CCDC62: variants seen among roughly 807,000 people sequenced by gnomAD.
CCDC62 encodes coiled-coil domain containing 62, also known as coiled-coil domain-containing protein 62.
CCDC62 carries 72 observed loss-of-function variants against 80.8 expected under a neutral mutation model. The observed-to-expected ratio is 0.89, with a 90% CI of 0.74 to 1.08. The LOEUF (loss-of-function observed/expected upper bound fraction) is 1.08. Ranked by LOEUF, CCDC62 falls within the 50% of genes least tolerant of loss-of-function variation. The pLI, the probability that CCDC62 is intolerant of heterozygous loss-of-function variation, is 0.00. For synonymous variants in CCDC62, 286 were observed against 296.5 expected (o/e 0.96, Z 0.36); for missense variants, 704 against 809.4 (o/e 0.87, Z 1.58).
intron 6 of CCDC62, among the ~76,000 whole-genome samples, chr12:122,792,720 T>A (rs1329774244): frequency 6.6e-6 from 1 of 152,112 alleles, no homozygotes; most frequent in Non-Finnish European, 1.5e-5. Flanking sequence ...GGTTTCACCA[T>A]GTTGGCCAGG....
At chr12:122,799,318 G>A (rs551797048) in intron 8 of CCDC62, among the ~76,000 whole-genome samples, 33 of 151,942 alleles carry the variant, frequency 2.2e-4, no homozygotes, top group South Asian at 2.1e-4. Context: ...CCATCCATCC[G>A]TCCATCCATC....
intron 9 of CCDC62, among the ~76,000 whole-genome samples, chr12:122,803,035 C>T (rs1458128949): frequency 1.3e-5 from 2 of 151,990 alleles, no homozygotes; most frequent in African/African-American, 4.8e-5. Flanking sequence ...ATTTCAAAAA[C>T]ATTTGTCATG....
At chr12:122,804,385 G>A (rs574970892) in intron 9 of CCDC62, among the ~76,000 whole-genome samples, 2 of 152,296 alleles carry the variant, frequency 1.3e-5, no homozygotes, top group East Asian at 3.9e-4. Context: ...TACTCGGGAG[G>A]CTGAGGCACA....
At chr12:122,784,968 G>A (rs551391579) in intron 3 of CCDC62, among the ~76,000 whole-genome samples, 2 of 152,122 alleles carry the variant, frequency 1.3e-5, no homozygotes, top group East Asian at 1.9e-4. Context: ...GCGAAACCCT[G>A]TTTCTACTAA....
chr12:122,805,280 G>T (rs900219633), intron 9 of CCDC62, among the ~76,000 whole-genome samples: 1 of 89,924 alleles, frequency 1.1e-5, no homozygotes, highest in Non-Finnish European at 2.2e-5. Flanking sequence ...TCATTTCATT[G>T]TATTTTTAGG....
intron 3 of CCDC62, among the ~76,000 whole-genome samples, chr12:122,784,187 C>T (rs12305822): frequency 0.13 from 19,959 of 152,072 alleles, 2,238 homozygotes; most frequent in African/African-American, 0.29. Flanking sequence ...CTTAGTAACA[C>T]ACATTTAAAT....
At chr12:122,778,471 C>T (rs1421546595) in intron 2 of CCDC62, among the ~76,000 whole-genome samples, 2 of 152,016 alleles carry the variant, frequency 1.3e-5, no homozygotes, top group Non-Finnish European at 2.9e-5. Flanking sequence ...GTTCCATTGA[C>T]TCTAGATTGT....
intron 8 of CCDC62, among the ~76,000 whole-genome samples, chr12:122,800,220 C>T (rs1283459030): frequency 8.1e-6 from 1 of 123,352 alleles, no homozygotes; most frequent in Non-Finnish European, 1.6e-5. Flanking sequence ...GTTGCGAAGG[C>T]TGTCTTTCTC....
At chr12:122,774,901 AAC>A (rs1218415279) in intron 1 of CCDC62, among the ~76,000 whole-genome samples, 195 bp downstream of exon 1, 3 of 151,284 alleles carry the variant, frequency 2.0e-5, no homozygotes, top group Non-Finnish European at 3.0e-5. Context: ...CATCCTGGCT[AAC>A]ACAGTGAAAC....
At position 122,774,642 on chromosome 12, in the gene CCDC62, G is replaced by T; in HGVS notation, c.-29G>T. On this transcript the variant is annotated 5_prime_UTR_variant, in exon 1 of 13. Coordinates refer to ENST00000253079, the MANE Select transcript of CCDC62 (RefSeq NM_201435.5). ...TTTCTGAGGTGACGCCGCCCACACC[G>T]GGCTTCTCCGGGGGCGGAGGAAACA... 9 of 1,245,144 alleles carry T rather than the reference G, an allele frequency of 7.2e-6. No homozygotes were observed. The highest frequency in any genetic ancestry group is 9.1e-6 in the Non-Finnish European group (9 of 985,720). 77.1% of individuals were successfully genotyped at this position (1,245,144 alleles called of 1,614,324 possible).
At position 122,785,781 on chromosome 12, in the gene CCDC62, A is replaced by G. The variant is rs1165035943; in HGVS notation, c.459A>G (p.Gln153=). 2 of 1,613,704 alleles carry G rather than the reference A, an allele frequency of 1.2e-6. No homozygotes were observed. Among genetic ancestry groups the G allele is most frequent in the Middle Eastern group, 1.6e-4 (1 of 6,082 alleles). The change falls in exon 4 of 13, where the codon CAA becomes CAG. Residue 153 remains glutamine, a synonymous_variant. Coordinates refer to ENST00000253079, the MANE Select transcript of CCDC62 (RefSeq NM_201435.5). ...TTTCTGCCCAGGTAGGACAGCTACA[A>G]GCTCGAGAACAAGCTCTTACGACAA... ...VELSAQVGQL[Q]AREQALTTMI...
chr12:122,816,159 A>G, intron 11 of CCDC62, among the ~76,000 whole-genome samples: 1 of 152,210 alleles, frequency 6.6e-6, no homozygotes, highest in East Asian at 1.9e-4. Context: ...AAAGTATACC[A>G]TGTGTGCCAT....
intron 8 of CCDC62, among the ~76,000 whole-genome samples, chr12:122,800,297 T>C (rs1477075565): frequency 6.8e-6 from 1 of 147,714 alleles, no homozygotes; most frequent in East Asian, 2.0e-4. Flanking sequence ...AAGCTAAAAA[T>C]AGGCTGGACG....
intron 9 of CCDC62, among the ~76,000 whole-genome samples, chr12:122,805,509 CTTTTT>C (rs34211739): frequency 2.0e-5 from 1 of 49,506 alleles, no homozygotes; most frequent in Non-Finnish European, 3.4e-5. Context: ...ACACCCAGCT[CTTTTT>C]TTTTTTTTTT....
intron 12 of CCDC62, among the ~76,000 whole-genome samples, chr12:122,825,456 C>T (rs1362816839): frequency 2.7e-5 from 4 of 149,924 alleles, no homozygotes; most frequent in African/African-American, 7.4e-5. Flanking sequence ...AAGCGATTCT[C>T]CTGCTTCAGC....
chr12:122,806,029 C>A, intron 9 of CCDC62, 122 bp from the exon 10 acceptor site: 1 of 815,622 alleles, frequency 1.2e-6, no homozygotes, highest in Non-Finnish European at 1.9e-6. Flanking sequence ...TCTACTCAAA[C>A]TTGACCTGCT....
chr12:122,812,797 A>G (rs1255973661), intron 10 of CCDC62, among the ~76,000 whole-genome samples: 46 of 146,694 alleles, frequency 3.1e-4, no homozygotes, highest in African/African-American at 1.2e-3. Context: ...GAAAGAAAGA[A>G]AGAAAGAAAG....
intron 11 of CCDC62, among the ~76,000 whole-genome samples, chr12:122,819,865 G>A (rs1217140819): frequency 6.6e-6 from 1 of 151,570 alleles, no homozygotes; most frequent in Non-Finnish European, 1.5e-5. Flanking sequence ...GACCAGCCTG[G>A]GCAACATAGC....
chr12:122,816,573 A>T (rs7973273), intron 11 of CCDC62, among the ~76,000 whole-genome samples: 4,946 of 152,066 alleles, frequency 0.033, 271 homozygotes, highest in African/African-American at 0.11. Flanking sequence ...AAAATAAAAA[A>T]TTTTTTTTAA....
Sources: gnomAD v4.1 joint callset for allele counts (sites outside exome capture counted in the v4.1 genomes callset) on GRCh38, gnomAD v4.1.1 for gene constraint, MANE v1.5 for transcripts, NCBI Gene and HGNC (gene_info 2026-07-23, HGNC 2026-07-21) for gene names.